The following TENM2 variants were observed in gnomAD, a reference collection of about 807,000 sequenced individuals.
The protein encoded by TENM2 is teneurin-2.
In TENM2, 52 loss-of-function variants were observed where a neutral mutation model predicts 245.2. The observed-to-expected ratio is 0.21, with a 90% CI of 0.17 to 0.27. TENM2 has a LOEUF of 0.27. Among genes scored for constraint, TENM2 ranks in the 10% least tolerant of loss-of-function variants. The pLI is 1.00. For missense variants in TENM2, 3,046 were observed against 3,666.8 expected (o/e 0.83, Z 4.37); for synonymous variants, 1,363 against 1,438.9 (o/e 0.95, Z 1.19).
At chr5:167,068,896 T>C in the TENM2 span, among the ~76,000 whole-genome samples, 2 of 152,222 alleles carry the variant, frequency 1.3e-5, no homozygotes, top group Non-Finnish European at 2.9e-5. Flanking sequence ...ATATTTCTTT[T>C]TGGAATAAGG....
At chr5:167,088,495 T>G in the TENM2 span, among the ~76,000 whole-genome samples, 72 of 152,020 alleles carry the variant, frequency 4.7e-4, no homozygotes, top group African/African-American at 1.7e-3. Flanking sequence ...GGCGTGGTTT[T>G]GGGCACTTGT....
the TENM2 span, among the ~76,000 whole-genome samples, chr5:167,095,331 G>T: frequency 6.6e-6 from 1 of 152,146 alleles, no homozygotes; most frequent in African/African-American, 2.4e-5. Context: ...GAAGTGCACA[G>T]AATTGCAAGA....
At chr5:167,600,012 G>A (rs905208311) in intron 2 of TENM2, among the ~76,000 whole-genome samples, 5 of 143,858 alleles carry the variant, frequency 3.5e-5, no homozygotes, top group Non-Finnish European at 7.5e-5. Context: ...CAGACGTGGT[G>A]GTGGGTACCT....
intron 2 of TENM2, among the ~76,000 whole-genome samples, chr5:167,484,624 A>T (rs1434598527): frequency 2.0e-5 from 3 of 152,300 alleles, no homozygotes; most frequent in East Asian, 3.9e-4. Flanking sequence ...ACTAGTACAC[A>T]TTCCCTTAAA....
chr5:168,208,964 T>G lies in TENM2; in HGVS notation c.3825-2770T>G, dbSNP rs139210653. On this transcript the variant is annotated intron_variant, in intron 19 of 28. Transcript: ENST00000518659. Reference sequence around the variant, plus strand: ...AATCCACACAAATAACCTAATATTTTTATTAATTAACTCCTGTAACACTTC... The same window carrying G: ...AATCCACACAAATAACCTAATATTTGTATTAATTAACTCCTGTAACACTTC... Among the ~76,000 whole-genome samples the G allele has an allele frequency of 4.6e-5, 7 of 152,208 alleles. No homozygotes were observed. The East Asian group carries it at 1.4e-3, about 30-fold the overall frequency.
At chr5:167,867,741 G>A (rs1046326755) in intron 2 of TENM2, among the ~76,000 whole-genome samples, 1 of 152,188 alleles carries the variant, frequency 6.6e-6, no homozygotes, top group African/African-American at 2.4e-5. Context: ...AGGTGAGGTT[G>A]AATAACCTAA....
chr5:167,563,602 A>C (rs1326657616), intron 2 of TENM2, among the ~76,000 whole-genome samples: 1 of 152,176 alleles, frequency 6.6e-6, no homozygotes, highest in Non-Finnish European at 1.5e-5. Flanking sequence ...TTAATTTTAT[A>C]GTTTAGCAAA....
intron 12 of TENM2, among the ~76,000 whole-genome samples, chr5:168,161,624 A>G (rs1478419873): frequency 6.6e-6 from 1 of 152,130 alleles, no homozygotes; most frequent in Non-Finnish European, 1.5e-5. Context: ...CCTGTTATAA[A>G]GAGTCACGGA....
At chr5:167,879,460 A>G (rs1773696156) in intron 3 of TENM2, among the ~76,000 whole-genome samples, 2 of 152,192 alleles carry the variant, frequency 1.3e-5, no homozygotes, top group Admixed American at 6.5e-5. Context: ...ATACAGAAGC[A>G]TAATTTCAAA....
At chr5:168,043,141 C>A (rs1208472975) in intron 5 of TENM2, among the ~76,000 whole-genome samples, 5 of 152,188 alleles carry the variant, frequency 3.3e-5, no homozygotes, top group Admixed American at 1.3e-4. Context: ...GAGGGAACCA[C>A]CCCAGTGCAT....
At chr5:167,699,561 G>A (rs553581395) in intron 2 of TENM2, among the ~76,000 whole-genome samples, 1 of 152,162 alleles carries the variant, frequency 6.6e-6, no homozygotes, top group Non-Finnish European at 1.5e-5. Flanking sequence ...TAAGTATGCT[G>A]AGCATGTCTC....
chr5:167,646,737 C>G (rs554532992), intron 2 of TENM2, among the ~76,000 whole-genome samples: 1 of 152,042 alleles, frequency 6.6e-6, no homozygotes, highest in South Asian at 2.1e-4. Context: ...AATAATAGCA[C>G]AAGTACAGTT....
At chr5:167,356,335 T>A (rs1472193118) in intron 1 of TENM2, among the ~76,000 whole-genome samples, 1 of 152,060 alleles carries the variant, frequency 6.6e-6, no homozygotes, top group Non-Finnish European at 1.5e-5. Flanking sequence ...TGTTTTTTGA[T>A]TCTCAGAGAA....
chr5:168,186,101 G>A (rs1177385950), intron 13 of TENM2: 2 of 151,552 alleles, frequency 1.3e-5, no homozygotes, highest in African/African-American at 4.8e-5. Context: ...AACCCAGCAA[G>A]GCTGATTACC....
chr5:167,969,080 G>T (rs1017634857), intron 4 of TENM2, among the ~76,000 whole-genome samples: 6 of 152,086 alleles, frequency 3.9e-5, no homozygotes, highest in African/African-American at 9.7e-5. Flanking sequence ...TGCCGACTTT[G>T]TGCCCAGTAG....
chr5:167,148,023 T>TATA, the TENM2 span, among the ~76,000 whole-genome samples: 1 of 152,184 alleles, frequency 6.6e-6, no homozygotes, highest in African/African-American at 2.4e-5. Context: ...TCTAGATTCC[T>TATA]ATAACATGAA....
intron 2 of TENM2, among the ~76,000 whole-genome samples, chr5:167,772,204 A>G (rs1372746786): frequency 6.6e-6 from 1 of 152,242 alleles, no homozygotes; most frequent in Non-Finnish European, 1.5e-5. Flanking sequence ...CCTGGAATTT[A>G]GGAGTGGTCT....
At chr5:167,716,523 G>A (rs1021391068) in intron 2 of TENM2, among the ~76,000 whole-genome samples, 8 of 152,148 alleles carry the variant, frequency 5.3e-5, no homozygotes, top group African/African-American at 1.9e-4. Context: ...TGGCTTTTGG[G>A]TAGGGAGGCC....
intron 2 of TENM2, among the ~76,000 whole-genome samples, chr5:167,661,020 T>C (rs1251101538): frequency 6.6e-6 from 1 of 152,174 alleles, no homozygotes; most frequent in Non-Finnish European, 1.5e-5. Context: ...GTGCATAGAC[T>C]CAGCATTTTA....
Sources: gnomAD v4.1 joint callset for allele counts (sites outside exome capture counted in the v4.1 genomes callset) on GRCh38, gnomAD v4.1.1 for gene constraint, MANE v1.5 for transcripts, NCBI Gene and HGNC (gene_info 2026-07-23, HGNC 2026-07-21) for gene names.